The following DIP2A variants were observed in gnomAD, a reference collection of about 807,000 sequenced individuals.
The protein encoded by DIP2A is disco-interacting protein 2 homolog A.
A neutral mutation model predicts 177.4 loss-of-function variants in DIP2A; 85 were observed. The ratio of observed to expected loss-of-function variants is 0.48; its 90% CI spans 0.40 to 0.57. The LOEUF is 0.57. DIP2A is among the 20% of genes least tolerant of loss of function. The pLI, the probability that DIP2A is intolerant of heterozygous loss-of-function variation, is 0.00. For missense variants in DIP2A, 1,791 were observed against 2,100.2 expected, an observed-to-expected ratio of 0.85 and a Z score of 2.88; for synonymous variants, 886 against 881.8, an observed-to-expected ratio of 1.00 and a Z score of -0.08.
intron 6 of DIP2A, among the ~76,000 whole-genome samples, chr21:46,505,123 C>T (rs1318882415): frequency 1.3e-5 from 2 of 152,062 alleles, no homozygotes; most frequent in African/African-American, 4.8e-5. Context: ...TTGGTACTCC[C>T]AAACAGAGTG....
chr21:46,571,830 T>C (rs1836965981), downstream of DIP2A, among the ~76,000 whole-genome samples: 1 of 152,232 alleles, frequency 6.6e-6, no homozygotes, highest in Non-Finnish European at 1.5e-5. Flanking sequence ...AAATATACAA[T>C]CATGTCATCT....
At chr21:46,573,625 C>T (rs570534851), downstream of DIP2A, among the ~76,000 whole-genome samples, 4 of 95,842 alleles carry the variant, frequency 4.2e-5, no homozygotes, top group Non-Finnish European at 7.9e-5. Context: ...GCCTGGGAGA[C>T]AGAGTAAGAC....
At chr21:46,493,732 T>G (rs979413486) in intron 3 of DIP2A, among the ~76,000 whole-genome samples, 1 of 152,224 alleles carries the variant, frequency 6.6e-6, no homozygotes, top group African/African-American at 2.4e-5. Flanking sequence ...GTGTGAATTC[T>G]TCACCTTTCC....
chr21:46,503,703 C>CT (rs1374406807), intron 5 of DIP2A, among the ~76,000 whole-genome samples: 1 of 132,924 alleles, frequency 7.5e-6, no homozygotes, highest in Non-Finnish European at 1.6e-5. Context: ...TCTTCTTTCT[C>CT]TTTCCTTCCT....
At chr21:46,548,202 G>A (rs970078130) in intron 21 of DIP2A, among the ~76,000 whole-genome samples, 2 of 152,068 alleles carry the variant, frequency 1.3e-5, no homozygotes, top group African/African-American at 4.8e-5. Flanking sequence ...GTGTGTGTGT[G>A]TGTGTGTTTG....
chr21:46,484,674 T>G, intron 1 of DIP2A, 83 bp from the exon 2 acceptor site: 1 of 1,246,982 alleles, frequency 8.0e-7, no homozygotes, highest in East Asian at 2.6e-5. Flanking sequence ...GTGTTTCCAG[T>G]TTTTCAATCA....
rs2055661596 is a variant in DIP2A at position 46,474,375 on chromosome 21, A to AT, written c.92-10380dup. ...ATAGATAGTAATTGGAGTGAATATG[A>AT]TTACCCCATAAGGAGAAATGAATAA... On this transcript the variant is annotated intron_variant, in intron 1 of 37. Transcript: ENST00000417564. 2.6e-5 allele frequency among the ~76,000 whole-genome samples: 4 copies of AT among 152,310 alleles called. No individual in the cohort carries two copies. In the South Asian group the frequency reaches 8.3e-4, roughly 32 times the overall value.
chr21:46,480,988 C>G (rs971549000), intron 1 of DIP2A, among the ~76,000 whole-genome samples: 1 of 152,144 alleles, frequency 6.6e-6, no homozygotes, highest in African/African-American at 2.4e-5. Flanking sequence ...TTGCTTGAGC[C>G]CAGAAGTTGG....
chr21:46,561,177 C>T lies in DIP2A; in HGVS notation c.4031+394C>T, dbSNP rs562581020. On this transcript the variant is annotated intron_variant, in intron 33 of 37. Coordinates refer to ENST00000417564, the MANE Select transcript of DIP2A (RefSeq NM_015151.4). ...CAAGTAACCCATCTACTGGCAAGAA[C>T]GTTTCTTACCCGATGACCCATGTGA... The T allele has an allele frequency of 3.7e-5, 14 of 378,128 alleles. No individual in the cohort carries two copies. In the South Asian group the frequency reaches 5.7e-4, roughly 15 times the overall value. 23.4% of individuals were successfully genotyped at this position (378,128 alleles called of 1,614,324 possible).
intron 1 of DIP2A, among the ~76,000 whole-genome samples, chr21:46,470,354 A>G (rs2055241239): frequency 2.6e-5 from 4 of 152,080 alleles, no homozygotes; most frequent in Admixed American, 6.5e-5. Context: ...CATGCCTGTA[A>G]TCCCAGCTAC....
At chr21:46,532,730 G>A (rs1485760889) in intron 10 of DIP2A, among the ~76,000 whole-genome samples, 1 of 152,086 alleles carries the variant, frequency 6.6e-6, no homozygotes, top group African/African-American at 2.4e-5. Context: ...TCACTTATAT[G>A]ACCGTAGGCA....
At chr21:46,494,118 T>A (rs1188767528) in intron 3 of DIP2A, among the ~76,000 whole-genome samples, 1 of 152,264 alleles carries the variant, frequency 6.6e-6, no homozygotes, top group East Asian at 1.9e-4. Flanking sequence ...CAATAAATAC[T>A]TCCTTAATAG....
chr21:46,493,847 C>T (rs1245621605), intron 3 of DIP2A, among the ~76,000 whole-genome samples: 1 of 152,138 alleles, frequency 6.6e-6, no homozygotes. Context: ...ACAAAACTGG[C>T]CATCATTGTA....
intron 35 of DIP2A, among the ~76,000 whole-genome samples, chr21:46,565,433 G>A (rs796862708): frequency 1.4e-4 from 21 of 152,324 alleles, no homozygotes; most frequent in African/African-American, 4.8e-4. Flanking sequence ...TGTGAGGAAG[G>A]TGGAATTGCC....
intron 1 of DIP2A, among the ~76,000 whole-genome samples, chr21:46,478,759 T>A (rs188491294): frequency 7.6e-4 from 116 of 152,182 alleles, no homozygotes; most frequent in Middle Eastern, 3.4e-3. Flanking sequence ...TTTTTTTTTT[T>A]AAATTCACAA....
At chr21:46,491,710 C>A (rs1343357683) in intron 3 of DIP2A, among the ~76,000 whole-genome samples, 1 of 152,182 alleles carries the variant, frequency 6.6e-6, no homozygotes, top group East Asian at 1.9e-4. Flanking sequence ...GTGTACTTTC[C>A]ATGAGAGTGG....
At chr21:46,571,662 T>C (rs545652457), downstream of DIP2A, among the ~76,000 whole-genome samples, 1 of 152,218 alleles carries the variant, frequency 6.6e-6, no homozygotes, top group Non-Finnish European at 1.5e-5. Flanking sequence ...TTAGTAGCAA[T>C]TGTGAATGGG....
At chr21:46,554,470 GC>G in intron 26 of DIP2A, 104 bp from the exon 27 acceptor site, 4 of 1,544,570 alleles carry the variant, frequency 2.6e-6, no homozygotes, top group East Asian at 2.3e-5. Context: ...AGTCACCCAT[GC>G]CCCCCCAGCA....
chr21:46,566,317 A>C (rs796673140), intron 36 of DIP2A, among the ~76,000 whole-genome samples: 3 of 152,268 alleles, frequency 2.0e-5, no homozygotes, highest in African/African-American at 7.2e-5. Context: ...CACAGAGATA[A>C]GTTATTTTTA....
Sources: allele counts gnomAD v4.1 joint callset (sites outside exome capture counted in the v4.1 genomes callset), GRCh38; gene constraint gnomAD v4.1.1; transcripts MANE v1.5; gene names NCBI Gene and HGNC (gene_info 2026-07-23, HGNC 2026-07-21).